The following ATXN2 variants were observed in gnomAD, a reference collection of about 807,000 sequenced individuals.
ATXN2 encodes ataxin 2, also known as ataxin-2.
In ATXN2, 37 loss-of-function variants were observed where a neutral mutation model predicts 138.6. The observed-to-expected ratio is 0.27, with a 90% CI of 0.21 to 0.35. The LOEUF is 0.35. ATXN2 is among the 10% of genes least tolerant of loss of function. The pLI, the probability that ATXN2 is intolerant of heterozygous loss-of-function variation, is 1.00. For missense variants in ATXN2, 1,216 were observed against 1,480.3 expected (o/e 0.82, Z 2.93); for synonymous variants, 549 against 543.7 (o/e 1.01, Z -0.13).
At chr12:111,537,638 T>C (rs568862371) in intron 5 of ATXN2, among the ~76,000 whole-genome samples, 2 of 150,222 alleles carry the variant, frequency 1.3e-5, no homozygotes, top group African/African-American at 4.9e-5. Context: ...TAATACGCAA[T>C]GTCCAGAATG....
In ATXN2 at chr12:111,470,236, G is replaced by A; in HGVS notation, c.2714C>T (p.Pro905Leu). The A allele has an allele frequency of 6.2e-7, 1 of 1,612,842 alleles. No homozygotes were observed. The highest frequency in any genetic ancestry group is 8.5e-7 in the Non-Finnish European group (1 of 1,179,564). ...QHVPHYQSQH[P>L]HVYSPVIQGN... ...CTGTATTACAGGACTATAGACATGA[G>A]GATGCTGTGTTCAAACAAAAAATAA... The change falls in exon 20 of 25, where the codon CCT (proline) becomes CTT (leucine). Residue 905 changes from proline (P) to leucine (L), a missense_variant. By Grantham distance (98) the Pro-to-Leu change is moderately conservative. Transcript: ENST00000673436.
chr12:111,537,853 TG>T (rs1881279147), intron 5 of ATXN2, among the ~76,000 whole-genome samples: 1 of 151,982 alleles, frequency 6.6e-6, no homozygotes, highest in Non-Finnish European at 1.5e-5. Flanking sequence ...CCCAGCACTT[TG>T]GGAGGCTGGG....
chr12:111,556,010 A>G lies in ATXN2; in HGVS notation c.252-91T>C, dbSNP rs892104836. The G allele has an allele frequency of 5.6e-6, 6 of 1,062,582 alleles. No homozygotes were observed. The African/African-American group carries it at 8.1e-5, about 14-fold the overall frequency. The allele number at this position is 1,062,582 out of a possible 1,614,324, so 65.8% of individuals were successfully genotyped here. ...ACTTAAAATATAATTCCATTCAAATAAAGGAGAGGCTATCTGTGGGGAGAG... is the reference window on the plus strand; with the variant it reads ...ACTTAAAATATAATTCCATTCAAATGAAGGAGAGGCTATCTGTGGGGAGAG... On this transcript the variant is annotated intron_variant, in intron 1 of 24. Transcript: ENST00000673436.
chr12:111,453,065 G>A lies in ATXN2; in HGVS notation c.3440-225C>T. On this transcript the variant is annotated intron_variant, in intron 24 of 24. Coordinates refer to ENST00000673436, the MANE Select transcript of ATXN2 (RefSeq NM_001372574.1). This position sits in a 1 kb window ranked among gnomAD's most constrained non-coding sequence, Gnocchi z 5.4. ...ACCACTTCAGATAAAACTCCCAGAAGACTTGTTCATGGGGTAGAAAAAAAG... is the reference window on the plus strand; with the variant it reads ...ACCACTTCAGATAAAACTCCCAGAAAACTTGTTCATGGGGTAGAAAAAAAG... 1 of 1,288,540 alleles carries A rather than the reference G, an allele frequency of 7.8e-7. No individual in the cohort carries two copies. Among genetic ancestry groups the A allele is most frequent in the Non-Finnish European group, 9.8e-7 (1 of 1,020,058 alleles). 79.8% of individuals were successfully genotyped at this position (1,288,540 alleles called of 1,614,324 possible).
At chr12:111,485,899 G>T in intron 16 of ATXN2, 34 bp from the exon 17 acceptor site, 1 of 1,600,596 alleles carries the variant, frequency 6.2e-7, no homozygotes, top group Non-Finnish European at 8.5e-7. Flanking sequence ...ATTATCTCAA[G>T]GTAACAGATG....
chr12:111,596,205 AACACACACACACACACACAC>A (rs35316415), intron 1 of ATXN2, among the ~76,000 whole-genome samples: 3 of 141,750 alleles, frequency 2.1e-5, no homozygotes, highest in Admixed American at 7.2e-5. Flanking sequence ...TTCCATCCAA[AACACACACACACACACACAC>A]ACACACACAC....
intron 1 of ATXN2, among the ~76,000 whole-genome samples, chr12:111,580,147 C>T (rs990321127): frequency 2.0e-5 from 3 of 152,018 alleles, no homozygotes; most frequent in Non-Finnish European, 4.4e-5. Flanking sequence ...CTCCTCTCTG[C>T]AGACAGAAAG....
At chr12:111,579,052 A>T (rs1663070858) in intron 1 of ATXN2, among the ~76,000 whole-genome samples, 1 of 152,168 alleles carries the variant, frequency 6.6e-6, no homozygotes, top group African/African-American at 2.4e-5. Flanking sequence ...AAAAATTCAT[A>T]CACTGCTAGG....
chr12:111,489,665 TAATTCCA>T (rs1375754740), intron 14 of ATXN2, among the ~76,000 whole-genome samples: 1 of 150,404 alleles, frequency 6.6e-6, no homozygotes, highest in African/African-American at 2.4e-5. Context: ...CTCATCACTG[TAATTCCA>T]GCCCTTTGGG....
At chr12:111,479,645 C>T (rs1015663354) in intron 18 of ATXN2, among the ~76,000 whole-genome samples, 27 of 152,108 alleles carry the variant, frequency 1.8e-4, no homozygotes, top group African/African-American at 4.3e-4. Flanking sequence ...GTCCAACTTG[C>T]GTCCTGGGAC....
rs1281787839 is a variant in ATXN2 at position 111,599,127 on chromosome 12, G to C, written c.-93C>G. ...ACGCCGGAACGCGGCGGGGACGCGC[G>C]GGCGCCGAGCGGGGAGGCGCGGGTT... On this transcript the variant is annotated 5_prime_UTR_variant, in exon 1 of 25. Coordinates refer to ENST00000673436, the MANE Select transcript of ATXN2 (RefSeq NM_001372574.1). 2 of 1,228,120 alleles carry C rather than the reference G, an allele frequency of 1.6e-6. No homozygotes were observed. 76.1% of individuals were successfully genotyped at this position (1,228,120 alleles called of 1,614,324 possible).
intron 2 of ATXN2, among the ~76,000 whole-genome samples, chr12:111,554,665 G>A (rs1882294468): frequency 6.6e-6 from 1 of 152,170 alleles, no homozygotes; most frequent in Admixed American, 6.5e-5. Context: ...CAAACCGTAA[G>A]GATGGAAGAC....
At chr12:111,593,611 AAAAAAAAAAAAAGAAAAAG>A (rs996886864) in intron 1 of ATXN2, among the ~76,000 whole-genome samples, 1 of 117,982 alleles carries the variant, frequency 8.5e-6, no homozygotes, top group African/African-American at 6.1e-5. Flanking sequence ...TTTTTCTCTT[AAAAAAAAAAAAAGAAAAAG>A]AAAAAGAAAA....
Position 111,585,250 on chromosome 12 carries a change from C to T in ATXN2, c.251+13534G>A, listed in dbSNP as rs1015725080. Among the ~76,000 whole-genome samples the T allele has an allele frequency of 4.6e-5, 7 of 152,036 alleles. No individual in the cohort carries two copies. The East Asian group carries it at 5.8e-4, about 13-fold the overall frequency. ...CTCCCAGGCCGGGAGTGGTGGCTCA[C>T]GCCTGTAATCCCGGCACTTTGGGAG... On this transcript the variant is annotated intron_variant, in intron 1 of 24. Coordinates refer to ENST00000673436, the MANE Select transcript of ATXN2 (RefSeq NM_001372574.1).
chr12:111,530,988 C>T (rs1880798611), intron 5 of ATXN2, among the ~76,000 whole-genome samples: 1 of 148,182 alleles, frequency 6.7e-6, no homozygotes, highest in South Asian at 2.2e-4. Context: ...CATGGTGGTG[C>T]ATGCCTGTAA....
rs750850386 is a variant in ATXN2, at chr12:111,453,880, C to T, written c.3271-35G>A. ...AGAGCTCTTTTACGCATACAGGCAA[C>T]ATCTCCGGCTTCAACAACATGTCAA... On this transcript the variant is annotated intron_variant, in intron 23 of 24. Coordinates refer to ENST00000673436, the MANE Select transcript of ATXN2 (RefSeq NM_001372574.1). The surrounding 1 kb of genome is among the most constrained non-coding windows in gnomAD (Gnocchi z 5.4). The T allele has an allele frequency of 1.3e-6, 2 of 1,570,890 alleles. No homozygotes were observed. The highest frequency in any genetic ancestry group is 1.2e-5 in the South Asian group (1 of 85,544).
At chr12:111,482,416 G>T (rs555040319) in intron 18 of ATXN2, among the ~76,000 whole-genome samples, 153 of 151,836 alleles carry the variant, frequency 1.0e-3, no homozygotes, top group Non-Finnish European at 1.9e-3. Flanking sequence ...GGATGGTCTT[G>T]ATCTCCTGAC....
chr12:111,577,656 C>T (rs956667854), intron 1 of ATXN2, among the ~76,000 whole-genome samples: 3 of 152,126 alleles, frequency 2.0e-5, no homozygotes, highest in East Asian at 1.9e-4. Context: ...TTTGACCAGG[C>T]GTGATGGCTC....
chr12:111,470,615 A>G lies in ATXN2; in HGVS notation c.2652T>C (p.Ser884=). The G allele has an allele frequency of 1.2e-6, 2 of 1,614,132 alleles. No individual in the cohort carries two copies. Among genetic ancestry groups the G allele is most frequent in the Non-Finnish European group, 1.7e-6 (2 of 1,180,024 alleles). ...GGGGCTGATTTGGGAACTGCTGAGG[A>G]CTGTAGGCAACATATTGCGTGGAGT... ...PAYSTQYVAY[S]PQQFPNQPLV... The change falls in exon 19 of 25, where the codon AGT becomes AGC. Residue 884 remains serine (S), a synonymous_variant. Transcript: ENST00000673436.
Sources: gnomAD v4.1 joint callset for allele counts (sites outside exome capture counted in the v4.1 genomes callset) on GRCh38, gnomAD v4.1.1 for gene constraint, Gnocchi (gnomAD v3.1) non-coding constraint, MANE v1.5 for transcripts, NCBI Gene and HGNC (gene_info 2026-07-23, HGNC 2026-07-21) for gene names.